The following PLCB1 variants were observed in gnomAD, a reference collection of about 807,000 sequenced individuals.
PLCB1 encodes the protein phospholipase C beta 1, also known as 1-phosphatidylinositol 4,5-bisphosphate phosphodiesterase beta-1.
In PLCB1, 46 loss-of-function variants were observed where a neutral mutation model predicts 161.8. The observed-to-expected ratio is 0.28, with a 90% CI of 0.22 to 0.36. The LOEUF is 0.36. PLCB1 is among the 10% of genes least tolerant of loss of function. The probability of loss-of-function intolerance (pLI) is 1.00; values close to 1 mark genes in which losing one functional copy is unlikely to be tolerated. For synonymous variants in PLCB1, 517 were observed against 503.7 expected (o/e 1.03, Z -0.35); for missense variants, 1,016 against 1,472.5 (o/e 0.69, Z 5.07).
intron 3 of PLCB1, among the ~76,000 whole-genome samples, chr20:8,393,904 G>T (rs1987684181): frequency 6.6e-6 from 1 of 152,092 alleles, no homozygotes; most frequent in African/African-American, 2.4e-5. Context: ...TTAGAGAACA[G>T]GTTCTTAGGT....
At chr20:8,766,388 C>T (rs1982316494) in intron 26 of PLCB1, among the ~76,000 whole-genome samples, 1 of 152,118 alleles carries the variant, frequency 6.6e-6, no homozygotes, top group Non-Finnish European at 1.5e-5. Context: ...AAGAATAAAG[C>T]CTGGTCAGCT....
intron 2 of PLCB1, among the ~76,000 whole-genome samples, chr20:8,355,227 A>T (rs983203538): frequency 6.7e-6 from 1 of 148,766 alleles, no homozygotes; most frequent in Non-Finnish European, 1.5e-5. Context: ...ATTTGTCTTA[A>T]AAAAAAAAAG....
intron 3 of PLCB1, among the ~76,000 whole-genome samples, chr20:8,468,989 A>AC (rs1040064337): frequency 6.6e-6 from 1 of 151,642 alleles, no homozygotes; most frequent in African/African-American, 2.4e-5. Flanking sequence ...TACAAGTTCC[A>AC]CCCCCCGTAG....
At chr20:8,646,662 C>A (rs10485725) in intron 5 of PLCB1, among the ~76,000 whole-genome samples, 8,605 of 151,974 alleles carry the variant, frequency 0.057, 804 homozygotes, top group African/African-American at 0.2. Context: ...TGTAGATGAT[C>A]CCAGCAAGTA....
Position 8,854,760 on chromosome 20 carries a change from C to T in PLCB1, c.3424-26862C>T, listed in dbSNP as rs866877890. 9.4e-4 allele frequency among the ~76,000 whole-genome samples: 143 copies of T among 152,332 alleles called. 1 individual carries two copies. The highest frequency in any genetic ancestry group is 3.3e-3 in the African/African-American group (136 of 41,558). The stretch of plus-strand genomic sequence containing the variant: ...GTCTGTTTTCACGTCTCCACGCTGG[C>T]GAACGACAAACTCGGCAAGGAGCCT... On this transcript the variant is annotated intron_variant, in intron 31 of 31. Coordinates refer to ENST00000338037, the MANE Select transcript of PLCB1 (RefSeq NM_015192.4).
intron 3 of PLCB1, among the ~76,000 whole-genome samples, chr20:8,557,834 C>T (rs866170801): frequency 6.6e-6 from 1 of 151,820 alleles, no homozygotes; most frequent in Non-Finnish European, 1.5e-5. Context: ...GGAGTTACCA[C>T]ATAATAATAT....
At chr20:8,330,958 G>A (rs148554813) in intron 2 of PLCB1, among the ~76,000 whole-genome samples, 15 of 152,192 alleles carry the variant, frequency 9.9e-5, no homozygotes, top group Admixed American at 5.9e-4. Context: ...TGCACAAAGC[G>A]CTTCTGGTAC....
At chr20:8,377,691 G>T (rs568140851) in intron 3 of PLCB1, among the ~76,000 whole-genome samples, 2 of 152,270 alleles carry the variant, frequency 1.3e-5, no homozygotes, top group South Asian at 4.1e-4. Flanking sequence ...AAAGATTCTA[G>T]AACAACTATT....
chr20:8,594,806 G>A (rs942610445), intron 3 of PLCB1, among the ~76,000 whole-genome samples: 2 of 152,098 alleles, frequency 1.3e-5, no homozygotes, highest in African/African-American at 2.4e-5. Flanking sequence ...TTAACCAAGT[G>A]TACCTTGTCT....
intron 3 of PLCB1, among the ~76,000 whole-genome samples, chr20:8,457,145 C>T (rs1399659778): frequency 6.6e-6 from 1 of 152,050 alleles, no homozygotes; most frequent in Non-Finnish European, 1.5e-5. Context: ...CTAATGAGGC[C>T]ACCTATTTTT....
chr20:8,268,911 A>G (rs1982126559), intron 2 of PLCB1, among the ~76,000 whole-genome samples: 1 of 152,100 alleles, frequency 6.6e-6, no homozygotes, highest in African/African-American at 2.4e-5. Flanking sequence ...AAATTCAGAC[A>G]TTTATGAGAT....
chr20:8,835,996 A>T (rs142207490), intron 31 of PLCB1, among the ~76,000 whole-genome samples: 2 of 152,022 alleles, frequency 1.3e-5, no homozygotes, highest in African/African-American at 4.8e-5. Context: ...CAGCTAGCAG[A>T]TCAACTGAAG....
At chr20:8,408,993 A>G (rs1247007133) in intron 3 of PLCB1, among the ~76,000 whole-genome samples, 2 of 152,212 alleles carry the variant, frequency 1.3e-5, no homozygotes, top group African/African-American at 2.4e-5. Flanking sequence ...AATTTTCAGT[A>G]TTTTACATGG....
intron 4 of PLCB1, among the ~76,000 whole-genome samples, chr20:8,629,808 TTTTCTTTCTTTTCTTTC>T (rs869166126): frequency 9.0e-5 from 9 of 99,842 alleles, no homozygotes; most frequent in African/African-American, 1.5e-4. Flanking sequence ...CTTTTCTTTC[TTTTCTTTCTTTTCTTTC>T]TTTCTTTCTT....
At chr20:8,246,665 T>C (rs1980895269) in intron 2 of PLCB1, among the ~76,000 whole-genome samples, 1 of 151,984 alleles carries the variant, frequency 6.6e-6, no homozygotes, top group Non-Finnish European at 1.5e-5. Flanking sequence ...ATTTTCTTAC[T>C]ACCTTATTTA....
intron 20 of PLCB1, among the ~76,000 whole-genome samples, chr20:8,737,441 C>A (rs1980640713): frequency 6.6e-6 from 1 of 152,084 alleles, no homozygotes; most frequent in African/African-American, 2.4e-5. Context: ...AAAACATATA[C>A]ATTTAACTCA....
intron 3 of PLCB1, among the ~76,000 whole-genome samples, chr20:8,604,098 CAA>C (rs894476672): frequency 1.3e-5 from 2 of 151,820 alleles, no homozygotes; most frequent in Non-Finnish European, 2.9e-5. Flanking sequence ...ATTGAAAACA[CAA>C]AAATTAGCTA....
At chr20:8,191,617 A>T (rs978786772) in intron 2 of PLCB1, among the ~76,000 whole-genome samples, 1 of 152,064 alleles carries the variant, frequency 6.6e-6, no homozygotes, top group African/African-American at 2.4e-5. Context: ...AGAAACAAAA[A>T]TGAAAATGAA....
intron 31 of PLCB1, among the ~76,000 whole-genome samples, chr20:8,808,480 G>C (rs1351766194): frequency 1.3e-5 from 2 of 152,146 alleles, no homozygotes; most frequent in African/African-American, 2.4e-5. Context: ...TAAAGATCCT[G>C]TCTCCAAATA....
Sources: gnomAD v4.1 joint callset for allele counts (sites outside exome capture counted in the v4.1 genomes callset) on GRCh38, gnomAD v4.1.1 for gene constraint, MANE v1.5 for transcripts, NCBI Gene and HGNC (gene_info 2026-07-23, HGNC 2026-07-21) for gene names.